PKHD1L1: variants seen among roughly 807,000 people sequenced by gnomAD.
The protein encoded by PKHD1L1 is fibrocystin-L.
PKHD1L1 carries 434 observed loss-of-function variants against 462.9 expected under a neutral mutation model. That is an observed-to-expected ratio of 0.94 (90% CI 0.87 to 1.02). The LOEUF is 1.02. PKHD1L1 is among the 50% of genes least tolerant of loss of function. The probability of loss-of-function intolerance (pLI) is 0.00; values close to 1 mark genes in which losing one functional copy is unlikely to be tolerated. For missense variants in PKHD1L1, 5,202 were observed against 5,096.1 expected, an observed-to-expected ratio of 1.02 and a Z score of -0.63; for synonymous variants, 1,781 against 1,750.0, an observed-to-expected ratio of 1.02 and a Z score of -0.44.
intron 71 of PKHD1L1, among the ~76,000 whole-genome samples, chr8:109,512,056 T>C (rs7387203): frequency 0.17 from 26,364 of 152,002 alleles, 2,601 homozygotes; most frequent in East Asian, 0.33. Context: ...GTTTTTTTCT[T>C]GTAAATTTGT....
Position 109,510,864 on chromosome 8 carries a change from A to G in PKHD1L1, c.11483A>G (p.Tyr3828Cys), listed in dbSNP as rs1819937816. Residue 3828 changes from tyrosine to cysteine, a missense_variant, in exon 71 of 78, where the codon TAT becomes TGT. Physicochemically the swap from Tyr to Cys is radical, Grantham distance 194. Transcript: ENST00000378402. ...FHSIVALNKS[Y>C]EVYFTGTSPQ... ...AGCATTGTGGCTCTGAACAAATCTT[A>G]TGAAGTTTACTTCACTGGCACCAGT... 6.2e-7 allele frequency: 1 copy of G among 1,613,336 alleles called. No homozygotes were observed. Among genetic ancestry groups the G allele is most frequent in the Non-Finnish European group, 8.5e-7 (1 of 1,179,492 alleles).
chr8:109,402,817 T>C (rs1586437832), intron 14 of PKHD1L1, among the ~76,000 whole-genome samples: 1 of 152,172 alleles, frequency 6.6e-6, no homozygotes, highest in Non-Finnish European at 1.5e-5. Flanking sequence ...TTGGGATCAA[T>C]GGAACCTGGG....
At chr8:109,522,605 T>C (rs146045374) in intron 74 of PKHD1L1, 139 bp from the exon 75 acceptor site, 709 of 987,046 alleles carry the variant, frequency 7.2e-4, no homozygotes, top group Non-Finnish European at 9.5e-4. Context: ...GGAGGAAATA[T>C]TGTAATTATA....
chr8:109,422,508 T>A (rs565309022), intron 23 of PKHD1L1, among the ~76,000 whole-genome samples: 3 of 152,340 alleles, frequency 2.0e-5, no homozygotes, highest in Admixed American at 6.5e-5. Context: ...GGCATTTTTT[T>A]AACTCAGCAT....
chr8:109,414,948 T>G (rs1814056651), intron 21 of PKHD1L1, among the ~76,000 whole-genome samples: 1 of 149,708 alleles, frequency 6.7e-6, no homozygotes, highest in Non-Finnish European at 1.5e-5. Context: ...TCCTGTTTTC[T>G]ACATCATCCC....
chr8:109,365,853 A>G (rs1272198383), intron 2 of PKHD1L1, among the ~76,000 whole-genome samples: 1 of 152,176 alleles, frequency 6.6e-6, no homozygotes, highest in East Asian at 1.9e-4. Context: ...GCGCGCCTGT[A>G]GTCTCAGCTA....
chr8:109,376,686 G>T (rs983666610), intron 2 of PKHD1L1, among the ~76,000 whole-genome samples: 16 of 152,152 alleles, frequency 1.1e-4, no homozygotes, highest in African/African-American at 3.4e-4. Flanking sequence ...ATAAGAGCAG[G>T]TGTCTACTGA....
chr8:109,364,314 C>T (rs1260679987), intron 1 of PKHD1L1, among the ~76,000 whole-genome samples: 2 of 152,174 alleles, frequency 1.3e-5, no homozygotes, highest in Non-Finnish European at 2.9e-5. Flanking sequence ...GTTATTTTTG[C>T]TCTTGGTAGC....
chr8:109,384,267 G>A (rs911072283), intron 5 of PKHD1L1, 140 bp downstream of exon 5: 11 of 697,186 alleles, frequency 1.6e-5, no homozygotes, highest in Admixed American at 6.0e-5. Flanking sequence ...AGCCAGGCGC[G>A]GTGGCTCATG....
In PKHD1L1 at chr8:109,435,263, T is replaced by C; in HGVS notation, c.3414T>C (p.Val1138=). The C allele has an allele frequency of 6.2e-7, 1 of 1,613,972 alleles. No homozygotes were observed. The highest frequency in any genetic ancestry group is 8.5e-7 in the Non-Finnish European group (1 of 1,179,832). The change falls in exon 29 of 78, where the codon GTT becomes GTC. Residue 1138 remains valine, a synonymous_variant. Coordinates refer to ENST00000378402, the MANE Select transcript of PKHD1L1 (RefSeq NM_177531.6). The part of the protein sequence containing the change: ...HAPVAVSMAD[V]GLAQNVGGEE... ...CCGTTGCTGTGTCCATGGCTGATGT[T>C]GGACTAGCACAGAATGTAGGGGGTG...
intron 20 of PKHD1L1, 92 bp downstream of exon 20, chr8:109,412,506 C>T: frequency 7.5e-7 from 1 of 1,326,980 alleles, no homozygotes; most frequent in Non-Finnish European, 1.0e-6. Flanking sequence ...AAATATTTGC[C>T]ATATAAATAG....
At chr8:109,448,494 C>A in intron 39 of PKHD1L1, 103 bp downstream of exon 39, 6 of 1,174,754 alleles carry the variant, frequency 5.1e-6, no homozygotes, top group Non-Finnish European at 6.7e-6. Context: ...CATAAAATTT[C>A]TAGTGTTTTT....
At chr8:109,414,997 TA>T (rs1563751502) in intron 21 of PKHD1L1, among the ~76,000 whole-genome samples, 68 of 144,920 alleles carry the variant, frequency 4.7e-4, no homozygotes, top group African/African-American at 1.5e-3. Flanking sequence ...TTATTATTAT[TA>T]TTATTATTAT....
intron 77 of PKHD1L1, among the ~76,000 whole-genome samples, chr8:109,528,719 A>C (rs1820937309): frequency 6.6e-6 from 1 of 152,170 alleles, no homozygotes; most frequent in Non-Finnish European, 1.5e-5. Context: ...TCTGTAATAT[A>C]CTTGTATTAA....
intron 21 of PKHD1L1, among the ~76,000 whole-genome samples, chr8:109,414,926 C>T (rs1206191638): frequency 1.3e-5 from 2 of 151,296 alleles, no homozygotes; most frequent in African/African-American, 4.8e-5. Context: ...CTCAAATCTG[C>T]AATTTCAATT....
chr8:109,520,422 A>C (rs1450148502), intron 73 of PKHD1L1, among the ~76,000 whole-genome samples: 72 of 152,084 alleles, frequency 4.7e-4, no homozygotes, highest in Non-Finnish European at 1.0e-4. Context: ...TATTTCTTAC[A>C]TGTGACATAT....
intron 10 of PKHD1L1, among the ~76,000 whole-genome samples, chr8:109,394,748 G>A (rs1163508278): frequency 6.6e-6 from 1 of 152,158 alleles, no homozygotes; most frequent in African/African-American, 2.4e-5. Flanking sequence ...AAATTTGCAT[G>A]TTTCAACTTT....
Position 109,531,877 on chromosome 8 carries a change from C to T in PKHD1L1, c.*1787C>T, listed in dbSNP as rs138898197. ...CCTGGGATAGGGAGGGGGAAAGAGACCCAACATGGGCCATTTCACGCTGAG... is the reference window on the plus strand; with the variant it reads ...CCTGGGATAGGGAGGGGGAAAGAGATCCAACATGGGCCATTTCACGCTGAG... On this transcript the variant is annotated 3_prime_UTR_variant, in exon 78 of 78. Coordinates refer to ENST00000378402, the MANE Select transcript of PKHD1L1 (RefSeq NM_177531.6). Among the ~76,000 whole-genome samples the T allele has an allele frequency of 2.0e-5, 3 of 152,238 alleles. No homozygotes were observed. In the East Asian group the frequency reaches 5.8e-4, roughly 29 times the overall value.
intron 2 of PKHD1L1, among the ~76,000 whole-genome samples, chr8:109,367,159 G>A (rs1295354072): frequency 6.6e-6 from 1 of 152,154 alleles, no homozygotes; most frequent in African/African-American, 2.4e-5. Flanking sequence ...TATACAGAAT[G>A]ATATCTACAA....
Sources: gnomAD v4.1 joint callset for allele counts (sites outside exome capture counted in the v4.1 genomes callset) on GRCh38, gnomAD v4.1.1 for gene constraint, MANE v1.5 for transcripts, NCBI Gene and HGNC (gene_info 2026-07-23, HGNC 2026-07-21) for gene names.